Variants in TRAPPC9 observed in about 807,000 individuals in gnomAD.
TRAPPC9 encodes IKK2 binding protein.
TRAPPC9 carries 83 observed loss-of-function variants against 124.0 expected under a neutral mutation model. That is an observed-to-expected ratio of 0.67 (90% CI 0.56 to 0.80). The LOEUF is 0.80. Among genes scored for constraint, TRAPPC9 ranks in the 30% least tolerant of loss-of-function variants. TRAPPC9 has a pLI of 0.00. For missense variants in TRAPPC9, 1,302 were observed against 1,508.3 expected, an observed-to-expected ratio of 0.86 and a Z score of 2.27; for synonymous variants, 638 against 617.5, an observed-to-expected ratio of 1.03 and a Z score of -0.49.
chr8:140,426,471 G>T, intron 5 of TRAPPC9, 144 bp downstream of exon 5: 1 of 890,164 alleles, frequency 1.1e-6, no homozygotes, highest in Non-Finnish European at 1.8e-6. Flanking sequence ...CAATCATCAA[G>T]CTTTTAACAG....
intron 21 of TRAPPC9, among the ~76,000 whole-genome samples, chr8:139,751,942 C>T (rs1256548115): frequency 6.7e-6 from 1 of 150,178 alleles, no homozygotes; most frequent in African/African-American, 2.5e-5. Flanking sequence ...CATCTACCCA[C>T]CATCCATCCA....
rs889213614 is a variant in TRAPPC9 at position 139,802,702 on chromosome 8, G to A, written c.3056-70500C>T. ...AGATCAACTAGTATTCATTGCTGAC[G>A]ATGATGGGAATGCTTTCTATGTGGA... On this transcript the variant is annotated intron_variant, in intron 21 of 22. Transcript: ENST00000438773. 9.2e-5 allele frequency among the ~76,000 whole-genome samples: 14 copies of A among 152,206 alleles called. No individual in the cohort carries two copies. The South Asian group carries it at 2.1e-3, about 23-fold the overall frequency.
intron 17 of TRAPPC9, among the ~76,000 whole-genome samples, chr8:140,146,249 C>T (rs1269280304): frequency 6.6e-6 from 1 of 152,264 alleles, no homozygotes; most frequent in East Asian, 1.9e-4. Flanking sequence ...CTTCTACATG[C>T]TGGACTTTCT....
At chr8:140,458,450 C>A, upstream of TRAPPC9, 1 of 1,576,728 alleles carries the variant, frequency 6.3e-7, no homozygotes, top group East Asian at 2.3e-5. Context: ...GTGGCGCGCG[C>A]GGCCTGGGAG....
In TRAPPC9 at chr8:140,300,459, G is replaced by A. The variant is rs200408554; in HGVS notation, c.1768+10C>T. On this transcript the variant is annotated intron_variant, in intron 11 of 22. Transcript: ENST00000438773. ...AGAGCACGGTGGGAAAGCCAGGATC[G>A]ACGTCCTACCTATTTTCTTGTTCCG... The A allele has an allele frequency of 2.4e-5, 39 of 1,613,920 alleles. No individual in the cohort carries two copies. Among genetic ancestry groups the A allele is most frequent in the East Asian group, 4.5e-5 (2 of 44,884 alleles).
At chr8:140,263,337 G>A (rs2064496570) in intron 15 of TRAPPC9, among the ~76,000 whole-genome samples, 1 of 152,152 alleles carries the variant, frequency 6.6e-6, no homozygotes, top group Non-Finnish European at 1.5e-5. Flanking sequence ...GGATGACTGT[G>A]GTCCTGCTCC....
chr8:139,774,694 T>C (rs1821239816), intron 21 of TRAPPC9, among the ~76,000 whole-genome samples: 1 of 152,222 alleles, frequency 6.6e-6, no homozygotes, highest in Non-Finnish European at 1.5e-5. Flanking sequence ...CGAGGGCTTC[T>C]CCTGGCAAGG....
chr8:140,396,398 C>T (rs2069098154), intron 7 of TRAPPC9, among the ~76,000 whole-genome samples: 1 of 152,126 alleles, frequency 6.6e-6, no homozygotes, highest in African/African-American at 2.4e-5. Flanking sequence ...GCCTCAGCCT[C>T]CCAAAGTGCT....
chr8:140,216,242 G>T lies in TRAPPC9; in HGVS notation c.2556+5217C>A, dbSNP rs1392145613. Among the ~76,000 whole-genome samples the T allele has an allele frequency of 6.6e-6, 1 of 152,084 alleles. No homozygotes were observed. Among genetic ancestry groups the T allele is most frequent in the Non-Finnish European group, 1.5e-5 (1 of 68,028 alleles). The stretch of plus-strand genomic sequence containing the variant: ...AGTGCCTGATATGCAAGAGTTCCTC[G>T]GTAAACGGTAATGATATTTTAATCA... On this transcript the variant is annotated intron_variant, in intron 17 of 22. Coordinates refer to ENST00000438773, the MANE Select transcript of TRAPPC9 (RefSeq NM_001160372.4). This position sits in a 1 kb window ranked among gnomAD's most constrained non-coding sequence, Gnocchi z 4.1.
intron 17 of TRAPPC9, among the ~76,000 whole-genome samples, chr8:140,128,289 TACAC>T (rs958346643): frequency 1.3e-5 from 2 of 151,966 alleles, no homozygotes; most frequent in Admixed American, 1.3e-4. Flanking sequence ...AAAAGAAAAA[TACAC>T]AAACACACAC....
chr8:140,112,106 G>C (rs924864923), intron 17 of TRAPPC9, among the ~76,000 whole-genome samples: 1 of 152,264 alleles, frequency 6.6e-6, no homozygotes, highest in South Asian at 2.1e-4. Context: ...ACATGTCAAC[G>C]GGAAGCTTTG....
At chr8:140,214,381 C>T (rs896064299) in intron 17 of TRAPPC9, among the ~76,000 whole-genome samples, 1 of 152,220 alleles carries the variant, frequency 6.6e-6, no homozygotes, top group African/African-American at 2.4e-5. Context: ...GGGGACCCGA[C>T]ATCTACCTGT....
At chr8:140,075,967 C>T (rs1035537375) in intron 17 of TRAPPC9, among the ~76,000 whole-genome samples, 25 of 152,206 alleles carry the variant, frequency 1.6e-4, no homozygotes, top group African/African-American at 5.3e-4. Context: ...TCTAATGCAA[C>T]GATAACGAGA....
At chr8:140,196,838 C>T (rs769540189) in intron 17 of TRAPPC9, among the ~76,000 whole-genome samples, 6 of 152,100 alleles carry the variant, frequency 3.9e-5, no homozygotes, top group Non-Finnish European at 7.4e-5. Flanking sequence ...ACCTGTGACA[C>T]TAAAACACAT....
At chr8:140,146,615 TTAAC>T (rs1285152479) in intron 17 of TRAPPC9, among the ~76,000 whole-genome samples, 1 of 152,234 alleles carries the variant, frequency 6.6e-6, no homozygotes, top group Non-Finnish European at 1.5e-5. Context: ...AAGACTTTTC[TTAAC>T]TATGACATTT....
rs574792542 is a variant in TRAPPC9 at position 139,879,651 on chromosome 8, C to T, written c.3055+6228G>A. Among the ~76,000 whole-genome samples the T allele has an allele frequency of 4.7e-4, 72 of 152,330 alleles. No individual in the cohort carries two copies. In the South Asian group the frequency reaches 0.015, roughly 31 times the overall value. On this transcript the variant is annotated intron_variant, in intron 21 of 22. Coordinates refer to ENST00000438773, the MANE Select transcript of TRAPPC9 (RefSeq NM_001160372.4). ...GCCCCCGCAGGCTCTCCCCAGGCCTCCCCTGTGTTGGCCCTGCTGTCCTAC... is the reference window on the plus strand; with the variant it reads ...GCCCCCGCAGGCTCTCCCCAGGCCTTCCCTGTGTTGGCCCTGCTGTCCTAC...
At chr8:140,201,473 A>G (rs930403845) in intron 17 of TRAPPC9, among the ~76,000 whole-genome samples, 24 of 152,336 alleles carry the variant, frequency 1.6e-4, no homozygotes, top group Admixed American at 1.3e-3. Flanking sequence ...TATAACAATC[A>G]TTTGATATTT....
At chr8:140,003,130 A>G (rs932076986) in intron 18 of TRAPPC9, among the ~76,000 whole-genome samples, 3 of 152,162 alleles carry the variant, frequency 2.0e-5, no homozygotes, top group African/African-American at 7.2e-5. Flanking sequence ...TATCTATAAT[A>G]TATTTTAAAA....
chr8:140,295,002 G>A (rs985691938), intron 11 of TRAPPC9, among the ~76,000 whole-genome samples: 1 of 152,120 alleles, frequency 6.6e-6, no homozygotes, highest in Non-Finnish European at 1.5e-5. Flanking sequence ...TCACTATTTT[G>A]TCCTAGAAGT....
Sources: allele counts gnomAD v4.1 joint callset (sites outside exome capture counted in the v4.1 genomes callset), GRCh38; gene constraint gnomAD v4.1.1; non-coding constraint Gnocchi (gnomAD v3.1); transcripts MANE v1.5; gene names NCBI Gene and HGNC (gene_info 2026-07-23, HGNC 2026-07-21).